Variants in CISTR observed in about 807,000 individuals in gnomAD.
CISTR encodes chondrogenic regulator lncRNA.
chr12:53,749,321 TAA>T (rs61159166), intron 2 of CISTR, among the ~76,000 whole-genome samples: 3 of 150,676 alleles, frequency 2.0e-5, no homozygotes, highest in East Asian at 2.0e-4. Context: ...TATATATATA[TAA>T]AAGACAGGGA....
rs935591264 is a variant in CISTR at position 53,751,139 on chromosome 12, C to T, written n.415-174G>A. 1.3e-5 allele frequency among the ~76,000 whole-genome samples: 2 copies of T among 152,224 alleles called. No homozygotes were observed. The highest frequency in any genetic ancestry group is 3.9e-4 in the East Asian group (2 of 5,176). ...GCTTCACGGAGCAGGTGTGCCCACGCGCAATACCCTCCTGGCCCACAGGCC... is the reference window on the plus strand; with the variant it reads ...GCTTCACGGAGCAGGTGTGCCCACGTGCAATACCCTCCTGGCCCACAGGCC... On this transcript the variant is annotated intron_variant and non_coding_transcript_variant, in intron 1 of 2. Transcript: ENST00000669269. This position sits in a 1 kb window ranked among gnomAD's most constrained non-coding sequence, Gnocchi z 4.6.
chr12:53,746,679 C>G (rs1245649666), exon 3 of CISTR, among the ~76,000 whole-genome samples: 1 of 152,174 alleles, frequency 6.6e-6, no homozygotes, highest in Non-Finnish European at 1.5e-5. Flanking sequence ...AAGACGTCCC[C>G]GGCCTAGGGC....
rs564248128 is a variant in CISTR at position 53,752,143 on chromosome 12, G to T, written n.415-1178C>A. ...CTCCCCTCCAAGGTCCCCTCCGCTC[G>T]CCCCTCTCTGCCCGCTGCCGCCGCC... On this transcript the variant is annotated intron_variant and non_coding_transcript_variant, in intron 1 of 2. Transcript: ENST00000669269. 1.4e-4 allele frequency among the ~76,000 whole-genome samples: 22 copies of T among 152,054 alleles called. No homozygotes were observed. In the East Asian group the frequency reaches 3.9e-3, roughly 27 times the overall value.
In CISTR at chr12:53,753,052, T is replaced by TCTCACACA. The variant is rs1442599901; in HGVS notation, n.415-2088_415-2087insTGTGTGAG. 5.6e-3 allele frequency among the ~76,000 whole-genome samples: 681 copies of TCTCACACA among 121,308 alleles called. 7 individuals carry two copies. The highest frequency in any genetic ancestry group is 0.017 in the African/African-American group (565 of 32,634). The allele number at this position is 121,308 out of a possible 152,430, so 79.6% of individuals were successfully genotyped here. A position where few individuals can be genotyped will look rare whatever the true frequency, so the allele number is the denominator to read the frequency against. ...ATCATACTTCTCTCCCATCTATACA[T>TCTCACACA]CACACACACACACACACACACACAC... On this transcript the variant is annotated intron_variant and non_coding_transcript_variant, in intron 1 of 2. Transcript: ENST00000669269.
chr12:53,748,231 C>T (rs967468969), intron 2 of CISTR, among the ~76,000 whole-genome samples: 8 of 152,180 alleles, frequency 5.3e-5, no homozygotes, highest in African/African-American at 1.2e-4. Flanking sequence ...GAGGCTGCAC[C>T]GCGGGCCGTC....
At position 53,756,790 on chromosome 12, in the gene CISTR, G is replaced by A. The variant is rs1448041867; in HGVS notation, n.414+24C>T. On this transcript the variant is annotated intron_variant and non_coding_transcript_variant, in intron 1 of 2. Coordinates refer to ENST00000669269, the Ensembl canonical transcript of CISTR. This position sits in a 1 kb window ranked among gnomAD's most constrained non-coding sequence, Gnocchi z 4.0. ...GATGAGATGGGAGGAAGTGGGGTAG[G>A]GAGCAGGGGATCTGGGGAGGTACCT... 1.3e-5 allele frequency: 2 copies of A among 151,314 alleles called. No homozygotes were observed. The highest frequency in any genetic ancestry group is 4.9e-5 in the African/African-American group (2 of 40,706). The allele number at this position is 151,314 out of a possible 1,614,324, so 9.4% of individuals were successfully genotyped here.
chr12:53,751,907 G>C lies in CISTR; in HGVS notation n.415-942C>G, dbSNP rs1044704858. On this transcript the variant is annotated intron_variant and non_coding_transcript_variant, in intron 1 of 2. Coordinates refer to ENST00000669269, the Ensembl canonical transcript of CISTR. This position sits in a 1 kb window ranked among gnomAD's most constrained non-coding sequence, Gnocchi z 4.6. ...CCCTCTCTCCTTGCGGCTGACTCCAGCTCCCCCTCGGTGCCCGTAACCCTC... is the reference window on the plus strand; with the variant it reads ...CCCTCTCTCCTTGCGGCTGACTCCACCTCCCCCTCGGTGCCCGTAACCCTC... The C allele has an allele frequency of 2.0e-5, 3 of 153,058 alleles. No individual in the cohort carries two copies. The highest frequency in any genetic ancestry group is 4.4e-5 in the Non-Finnish European group (3 of 68,478). 9.5% of individuals were successfully genotyped at this position (153,058 alleles called of 1,614,324 possible). A position where few individuals can be genotyped will look rare whatever the true frequency, so the allele number is the denominator to read the frequency against.
intron 2 of CISTR, among the ~76,000 whole-genome samples, chr12:53,749,983 T>A (rs1937828418): frequency 6.6e-6 from 1 of 152,196 alleles, no homozygotes. Context: ...AGTTTCATTT[T>A]TCTGTCTATT....
exon 2 of CISTR, chr12:53,750,584 T>A (rs1209328742): frequency 6.6e-6 from 1 of 152,534 alleles, no homozygotes; most frequent in African/African-American, 2.4e-5. Flanking sequence ...TTTGCATGTT[T>A]TTTTCTGTGT....
At position 53,751,202 on chromosome 12, in the gene CISTR, G is replaced by A. The variant is rs12582531; in HGVS notation, n.415-237C>T. 0.052 allele frequency among the ~76,000 whole-genome samples: 7,854 copies of A among 152,162 alleles called. 338 individuals are homozygous for A. Among genetic ancestry groups the A allele is most frequent in the East Asian group, 0.25 (1,263 of 5,136 alleles). ...GGACACACACACACACTCTCTCCTG[G>A]CCTCCCTCCCGCCGCCCCTCCTCTG... On this transcript the variant is annotated intron_variant and non_coding_transcript_variant, in intron 1 of 2. Coordinates refer to ENST00000669269, the Ensembl canonical transcript of CISTR. This position sits in a 1 kb window ranked among gnomAD's most constrained non-coding sequence, Gnocchi z 4.6.
In CISTR at chr12:53,751,388, C is replaced by A. The variant is rs373163573; in HGVS notation, n.415-423G>T. ...GTGGGTGTCCTCTCCTTCACTCTTT[C>A]CCCAGCCCTGTCGCCTCCCACCCCC... On this transcript the variant is annotated intron_variant and non_coding_transcript_variant, in intron 1 of 2. Transcript: ENST00000669269. This position sits in a 1 kb window ranked among gnomAD's most constrained non-coding sequence, Gnocchi z 4.6. Among the ~76,000 whole-genome samples, 68 of 152,266 alleles carry A rather than the reference C, an allele frequency of 4.5e-4. No individual in the cohort carries two copies. Among genetic ancestry groups the A allele is most frequent in the African/African-American group, 1.5e-3 (62 of 41,564 alleles).
At chr12:53,753,612 G>T (rs1937881955) in intron 1 of CISTR, among the ~76,000 whole-genome samples, 1 of 152,026 alleles carries the variant, frequency 6.6e-6, no homozygotes, top group African/African-American at 2.4e-5. Context: ...TTATCTTGGG[G>T]TAAGGGATGG....
chr12:53,752,459 G>A (rs1180163384), intron 1 of CISTR, among the ~76,000 whole-genome samples: 1 of 152,220 alleles, frequency 6.6e-6, no homozygotes, highest in Non-Finnish European at 1.5e-5. Context: ...GCCTCACCAT[G>A]TGAGTCTTAA....
At chr12:53,754,947 G>A (rs1339125151) in intron 1 of CISTR, among the ~76,000 whole-genome samples, 1 of 152,138 alleles carries the variant, frequency 6.6e-6, no homozygotes, top group East Asian at 1.9e-4. Context: ...GCAAGACCCT[G>A]TCCTCTCCTG....
intron 2 of CISTR, among the ~76,000 whole-genome samples, chr12:53,749,261 G>A (rs1565658595): frequency 6.6e-6 from 1 of 151,596 alleles, no homozygotes. Context: ...GAAAGACAGA[G>A]GTGGAGAAAG....
intron 1 of CISTR, among the ~76,000 whole-genome samples, chr12:53,752,262 G>A (rs112933468): frequency 1.6e-3 from 241 of 152,338 alleles, no homozygotes; most frequent in Non-Finnish European, 2.9e-3. Context: ...GTTGGGCATT[G>A]CTCCCGCACC....
intron 1 of CISTR, among the ~76,000 whole-genome samples, chr12:53,755,149 A>G (rs1165721647): frequency 6.6e-6 from 1 of 152,240 alleles, no homozygotes; most frequent in Non-Finnish European, 1.5e-5. Context: ...CTGGAGAGGG[A>G]AACAATCATC....
chr12:53,747,627 T>C (rs1001400998), intron 2 of CISTR, among the ~76,000 whole-genome samples: 6 of 151,542 alleles, frequency 4.0e-5, no homozygotes, highest in Admixed American at 3.9e-4. Flanking sequence ...TTACTGGGGG[T>C]GGTGGGTCGG....
chr12:53,748,504 G>C (rs1193751837), intron 2 of CISTR, among the ~76,000 whole-genome samples: 1 of 152,176 alleles, frequency 6.6e-6, no homozygotes, highest in Non-Finnish European at 1.5e-5. Context: ...GAGTGGAAAG[G>C]GAAAGACAGA....
Sources: allele counts gnomAD v4.1 joint callset (sites outside exome capture counted in the v4.1 genomes callset), GRCh38; gene constraint gnomAD v4.1.1; non-coding constraint Gnocchi (gnomAD v3.1); transcripts MANE v1.5; gene names NCBI Gene and HGNC (gene_info 2026-07-23, HGNC 2026-07-21).